The following CALD1 variants were observed in gnomAD, a reference collection of about 807,000 sequenced individuals.
CALD1 encodes caldesmon 1.
In CALD1, 33 loss-of-function variants were observed where a neutral mutation model predicts 99.9. That is an observed-to-expected ratio of 0.33 (90% CI 0.25 to 0.44). CALD1 has a LOEUF of 0.44. Among genes scored for constraint, CALD1 ranks in the 20% least tolerant of loss-of-function variants. The pLI is 1.00. For synonymous variants in CALD1, 310 were observed against 325.0 expected, an observed-to-expected ratio of 0.95 and a Z score of 0.50; for missense variants, 861 against 962.1, an observed-to-expected ratio of 0.89 and a Z score of 1.39.
chr7:134,907,031 C>T (rs1440340672), intron 3 of CALD1, among the ~76,000 whole-genome samples: 6 of 152,108 alleles, frequency 3.9e-5, no homozygotes, highest in Non-Finnish European at 7.3e-5. Flanking sequence ...TAATAGTGCC[C>T]GTCTCACAGA....
intron 3 of CALD1, among the ~76,000 whole-genome samples, chr7:134,914,293 G>T (rs1804043324): frequency 6.6e-6 from 1 of 152,288 alleles, no homozygotes; most frequent in South Asian, 2.1e-4. Flanking sequence ...GGCTCTTGAG[G>T]GGTCCTCCAT....
intron 3 of CALD1, among the ~76,000 whole-genome samples, chr7:134,879,730 A>C (rs997785154): frequency 6.6e-6 from 1 of 152,222 alleles, no homozygotes; most frequent in Non-Finnish European, 1.5e-5. Context: ...ACATTTTTCA[A>C]AATTAAATTT....
Position 134,947,686 on chromosome 7 carries a change from A to C in CALD1, c.1711A>C (p.Lys571Gln). The change falls in exon 8 of 15, where the codon AAG (lysine) becomes CAG (glutamine). Residue 571 changes from lysine to glutamine, a missense_variant. By Grantham distance (53) the Lys-to-Gln change is moderately conservative. Transcript: ENST00000361675. ...AALELEELKK[K>Q]REERRKVLEE... ...TTTGGAGCTGGAGGAACTCAAGAAA[A>C]AGAGGGAGGAGAGAAGGAAGGTCCT... 6.2e-7 allele frequency: 1 copy of C among 1,606,076 alleles called. No individual in the cohort carries two copies.
intron 6 of CALD1, among the ~76,000 whole-genome samples, chr7:134,938,401 C>T (rs1381496146): frequency 6.6e-6 from 1 of 152,200 alleles, no homozygotes; most frequent in African/African-American, 2.4e-5. Context: ...TATTATTCCA[C>T]TGGATATCCC....
chr7:134,790,655 C>G (rs1396034891), intron 1 of CALD1, among the ~76,000 whole-genome samples: 1 of 152,100 alleles, frequency 6.6e-6, no homozygotes, highest in African/African-American at 2.4e-5. Flanking sequence ...TAGAGTTAGA[C>G]AAGATGAGGA....
At chr7:134,748,337 A>G (rs1796653742) in intron 1 of CALD1, among the ~76,000 whole-genome samples, 1 of 152,236 alleles carries the variant, frequency 6.6e-6, no homozygotes, top group Non-Finnish European at 1.5e-5. Flanking sequence ...GAGACCCTGG[A>G]CTTCAGACTT....
chr7:134,862,072 G>A (rs1800586174), intron 2 of CALD1, among the ~76,000 whole-genome samples: 1 of 152,206 alleles, frequency 6.6e-6, no homozygotes, highest in South Asian at 2.1e-4. Context: ...GATCTTTTGT[G>A]ACTTGATAAT....
Position 134,970,155 on chromosome 7 carries a change from A to T in CALD1, c.*1810A>T, listed in dbSNP as rs1269216210. ...CAAACCCTCATGACAAAGTAGGCAC[A>T]AGTCTACAATAAGCTAAATCAGAAT... On this transcript the variant is annotated 3_prime_UTR_variant, in exon 15 of 15. Transcript: ENST00000361675. The T allele has an allele frequency of 1.3e-5, 2 of 152,282 alleles. No homozygotes were observed. The highest frequency in any genetic ancestry group is 2.9e-5 in the Non-Finnish European group (2 of 68,058). 9.4% of individuals were successfully genotyped at this position (152,282 alleles called of 1,614,324 possible).
the CALD1 span, among the ~76,000 whole-genome samples, chr7:134,737,238 C>G: frequency 6.6e-6 from 1 of 152,284 alleles, no homozygotes; most frequent in East Asian, 1.9e-4. Flanking sequence ...GATCTTCCCA[C>G]CTCAGCCTCC....
upstream of CALD1, among the ~76,000 whole-genome samples, chr7:134,739,553 G>A (rs987079850): frequency 2.6e-5 from 4 of 152,140 alleles, no homozygotes; most frequent in African/African-American, 9.7e-5. Flanking sequence ...GGGTGGTCAC[G>A]TGACTGATGT....
chr7:134,733,353 A>G, the CALD1 span, among the ~76,000 whole-genome samples: 4 of 152,320 alleles, frequency 2.6e-5, no homozygotes, highest in Non-Finnish European at 4.4e-5. Context: ...GGGTGGCACA[A>G]GAGCCCAGAG....
chr7:134,968,028 C>T (rs1432452475), intron 14 of CALD1, among the ~76,000 whole-genome samples: 1 of 151,928 alleles, frequency 6.6e-6, no homozygotes, highest in Non-Finnish European at 1.5e-5. Context: ...TGCCCGTAAT[C>T]CCCAGCTACT....
At chr7:134,809,024 G>T (rs990228002) in intron 1 of CALD1, among the ~76,000 whole-genome samples, 4 of 152,166 alleles carry the variant, frequency 2.6e-5, no homozygotes, top group African/African-American at 4.8e-5. Flanking sequence ...AGTACAACCA[G>T]GGGAGAGACT....
At chr7:134,835,874 G>C (rs187125550) in intron 1 of CALD1, among the ~76,000 whole-genome samples, 1 of 152,164 alleles carries the variant, frequency 6.6e-6, no homozygotes, top group East Asian at 1.9e-4. Context: ...GGCTAGGCGA[G>C]GTGGCTCACA....
chr7:134,933,790 G>A lies in CALD1; in HGVS notation c.1021G>A (p.Glu341Lys). The change falls in exon 5 of 15, where the codon GAG (glutamate) becomes AAG (lysine). Residue 341 changes from glutamate to lysine, a missense_variant. Transcript: ENST00000361675. ...IKEEEKRAAE[E>K]RQRIKEEEKR... ...GGAGGAAGAGAAAAGGGCAGCAGAG[G>A]AGAGGCAGAGGATAAAGGAGGAAGA... 6.4e-7 allele frequency: 1 copy of A among 1,552,824 alleles called. No individual in the cohort carries two copies. Among genetic ancestry groups the A allele is most frequent in the South Asian group, 1.2e-5 (1 of 84,194 alleles).
Position 134,968,610 on chromosome 7 carries a change from A to G in CALD1, c.*265A>G, listed in dbSNP as rs111228789. On this transcript the variant is annotated 3_prime_UTR_variant, in exon 15 of 15. Transcript: ENST00000361675. ...AATAGAGACTTTTCTACTGATCATC[A>G]TAACTCTGTATCTGAGCAGTGATAC... 1,263 of 670,558 alleles carry G rather than the reference A, an allele frequency of 1.9e-3. 14 individuals are homozygous for G. The African/African-American group carries it at 0.019, about 10-fold the overall frequency. 41.5% of individuals were successfully genotyped at this position (670,558 alleles called of 1,614,324 possible).
At chr7:134,747,838 C>T (rs1008311791) in intron 1 of CALD1, among the ~76,000 whole-genome samples, 1 of 152,230 alleles carries the variant, frequency 6.6e-6, no homozygotes, top group African/African-American at 2.4e-5. Context: ...AGAGTCCCCA[C>T]TAAGGCAATA....
chr7:134,843,464 TCTCA>T (rs1230608631), intron 1 of CALD1, among the ~76,000 whole-genome samples: 8 of 152,364 alleles, frequency 5.3e-5, no homozygotes, highest in African/African-American at 1.9e-4. Flanking sequence ...TCTGTCTTTG[TCTCA>T]CTAACAAGGT....
At chr7:134,719,706 G>A in the CALD1 span, among the ~76,000 whole-genome samples, 3 of 152,206 alleles carry the variant, frequency 2.0e-5, no homozygotes, top group South Asian at 2.1e-4. Context: ...GGACGTCAAC[G>A]GCCTTGTGTG....
Sources: gnomAD v4.1 joint callset for allele counts (sites outside exome capture counted in the v4.1 genomes callset) on GRCh38, gnomAD v4.1.1 for gene constraint, MANE v1.5 for transcripts, NCBI Gene and HGNC (gene_info 2026-07-23, HGNC 2026-07-21) for gene names.